The following LIX1 variants were observed in gnomAD, a reference collection of about 807,000 sequenced individuals.
LIX1 encodes the protein protein limb expression 1 homolog.
A neutral mutation model predicts 33.4 loss-of-function variants in LIX1; 24 were observed. That is an observed-to-expected ratio of 0.72 (90% confidence interval 0.52 to 1.01). The LOEUF (loss-of-function observed/expected upper bound fraction) is 1.01. LIX1 is among the 50% of genes least tolerant of loss of function. The pLI, the probability that LIX1 is intolerant of heterozygous loss-of-function variation, is 0.00. For synonymous variants in LIX1, 124 were observed against 124.0 expected (o/e 1.00, Z 0.00); for missense variants, 311 against 339.2 (o/e 0.92, Z 0.65).
chr5:97,141,261 G>C (rs921887967), intron 1 of LIX1, among the ~76,000 whole-genome samples: 1 of 152,080 alleles, frequency 6.6e-6, no homozygotes, highest in Non-Finnish European at 1.5e-5. Flanking sequence ...GTAGGAGAGA[G>C]ACATTCTTTC....
chr5:97,102,171 T>G (rs1321989288), intron 4 of LIX1: 1 of 152,214 alleles, frequency 6.6e-6, no homozygotes, highest in Non-Finnish European at 1.5e-5. Context: ...GAGTGCTGGC[T>G]GCAGGACGCC....
intron 1 of LIX1, among the ~76,000 whole-genome samples, chr5:97,128,917 T>C (rs1432027201): frequency 3.3e-5 from 5 of 152,110 alleles, no homozygotes; most frequent in African/African-American, 1.2e-4. Flanking sequence ...CAACCTATAC[T>C]CCCACTGTTT....
intron 3 of LIX1, among the ~76,000 whole-genome samples, chr5:97,106,625 G>C (rs184571256): frequency 1.4e-3 from 210 of 152,258 alleles, no homozygotes; most frequent in African/African-American, 4.9e-3. Flanking sequence ...GGGACTGAAG[G>C]CTTCTTTCTT....
chr5:97,103,008 A>G, intron 4 of LIX1: 1 of 441,950 alleles, frequency 2.3e-6, no homozygotes, highest in Non-Finnish European at 4.5e-6. Context: ...AATGGGCATT[A>G]TTATTCCTAT....
chr5:97,116,723 TAG>T (rs1747646529), intron 2 of LIX1, among the ~76,000 whole-genome samples: 1 of 152,086 alleles, frequency 6.6e-6, no homozygotes, highest in Non-Finnish European at 1.5e-5. Flanking sequence ...AGTTAAGGTG[TAG>T]ACAAGACGAA....
chr5:97,135,551 G>A (rs1347186507), intron 1 of LIX1, among the ~76,000 whole-genome samples: 1 of 152,150 alleles, frequency 6.6e-6, no homozygotes, highest in Non-Finnish European at 1.5e-5. Context: ...AGGCGCAGTG[G>A]CTCACGTCTG....
chr5:97,116,497 C>G (rs1044723934), intron 2 of LIX1, among the ~76,000 whole-genome samples: 1 of 152,004 alleles, frequency 6.6e-6, no homozygotes, highest in Non-Finnish European at 1.5e-5. Context: ...TTCCTGTCAA[C>G]TGAAAGAAAT....
At chr5:97,110,806 T>A (rs1747347523) in intron 2 of LIX1, among the ~76,000 whole-genome samples, 1 of 152,064 alleles carries the variant, frequency 6.6e-6, no homozygotes, top group Admixed American at 6.5e-5. Context: ...AAAATGAGTG[T>A]GGAAAGTAGT....
chr5:97,134,176 A>G (rs1748123289), intron 1 of LIX1, among the ~76,000 whole-genome samples: 1 of 152,212 alleles, frequency 6.6e-6, no homozygotes, highest in Non-Finnish European at 1.5e-5. Context: ...CTGGTGTGTA[A>G]TGGAGCTTTC....
rs184021046 is a variant in LIX1 at position 97,095,320 on chromosome 5, C to T, written c.562-285G>A. ...CTCTGCCATCTCTAGAAATACAAGC[C>T]GTTCACTGAAAATACATTCCTACAA... On this transcript the variant is annotated intron_variant, in intron 5 of 5. Transcript: ENST00000274382. 1.4e-3 allele frequency among the ~76,000 whole-genome samples: 220 copies of T among 152,298 alleles called. 2 individuals carry two copies. Among genetic ancestry groups the T allele is most frequent in the Middle Eastern group, 0.014 (4 of 294 alleles).
intron 5 of LIX1, among the ~76,000 whole-genome samples, chr5:97,095,710 C>G (rs891268267): frequency 3.3e-5 from 5 of 152,180 alleles, no homozygotes; most frequent in African/African-American, 4.8e-5. Flanking sequence ...TACTGCCTGT[C>G]AATTCTTGTG....
Position 97,094,619 on chromosome 5 carries a change from G to T in LIX1, c.*129C>A. 1.3e-6 allele frequency: 1 copy of T among 779,776 alleles called. No homozygotes were observed. The highest frequency in any genetic ancestry group is 2.0e-6 in the Non-Finnish European group (1 of 489,074). The allele number at this position is 779,776 out of a possible 1,614,324, so 48.3% of individuals were successfully genotyped here. A position where few individuals can be genotyped will look rare whatever the true frequency, so the allele number is the denominator to read the frequency against. ...GACTCTCATACTCTGTAAATGGAAT[G>T]TGTGGAGAGGGTTAGGAGAGCCTTC... On this transcript the variant is annotated 3_prime_UTR_variant, in exon 6 of 6. Coordinates refer to ENST00000274382, the MANE Select transcript of LIX1 (RefSeq NM_153234.5).
At position 97,093,272 on chromosome 5, in the gene LIX1, T is replaced by C. The variant is rs1746166939; in HGVS notation, c.*1476A>G. On this transcript the variant is annotated 3_prime_UTR_variant, in exon 6 of 6. Coordinates refer to ENST00000274382, the MANE Select transcript of LIX1 (RefSeq NM_153234.5). ...ATATCATATTTTATAAACTTTAATG[T>C]AATTATAATGGTTTTGCTTTCAGTG... The C allele has an allele frequency of 6.6e-6, 1 of 152,282 alleles. No individual in the cohort carries two copies. Among genetic ancestry groups the C allele is most frequent in the Admixed American group, 6.5e-5 (1 of 15,280 alleles). 9.4% of individuals were successfully genotyped at this position (152,282 alleles called of 1,614,324 possible). A position where few individuals can be genotyped will look rare whatever the true frequency, so the allele number is the denominator to read the frequency against.
In LIX1 at chr5:97,107,337, T is replaced by C. The variant is rs1444711284; in HGVS notation, c.387+23A>G. ...CAGAATTCTCAGTGCAGCCATCTCC[T>C]GCCCTCCATGGTGGGTACTCACGCT... is the stretch of plus-strand genomic sequence containing the variant. On this transcript the variant is annotated intron_variant, in intron 3 of 5. Coordinates refer to ENST00000274382, the MANE Select transcript of LIX1 (RefSeq NM_153234.5). 6.2e-6 allele frequency: 10 copies of C among 1,607,958 alleles called. No homozygotes were observed. The African/African-American group carries it at 9.4e-5, about 15-fold the overall frequency.
chr5:97,128,428 T>C (rs1482756299), intron 1 of LIX1, among the ~76,000 whole-genome samples: 3 of 152,170 alleles, frequency 2.0e-5, no homozygotes, highest in Non-Finnish European at 4.4e-5. Flanking sequence ...TCATGTTGGC[T>C]AGCATGGAAA....
In LIX1 at chr5:97,142,512, G is replaced by T; in HGVS notation, c.65C>A (p.Ala22Asp). 1 of 1,613,814 alleles carries T rather than the reference G, an allele frequency of 6.2e-7. No individual in the cohort carries two copies. The highest frequency in any genetic ancestry group is 8.5e-7 in the Non-Finnish European group (1 of 1,179,704). ...GTACTTACAGTCTTTGAAGACTAGA[G>T]CCGGATCTCTGTGAGGCAAGACTTG... ...IAQVLPHRDPALVFKDLNVVS... is the reference protein window; with the variant it reads ...IAQVLPHRDPDLVFKDLNVVS... Residue 22 changes from alanine (A) to aspartate (D), a missense_variant, in exon 1 of 6, where the codon GCT becomes GAT. Ala to Asp is a moderately radical substitution (Grantham distance 126). Transcript: ENST00000274382.
intron 5 of LIX1, among the ~76,000 whole-genome samples, chr5:97,096,587 T>C (rs752113497): frequency 1.5e-4 from 23 of 152,328 alleles, no homozygotes; most frequent in Non-Finnish European, 2.9e-4. Context: ...GGTACAGGTA[T>C]CTAAATCAGT....
intron 1 of LIX1, among the ~76,000 whole-genome samples, chr5:97,136,755 C>T (rs530373990): frequency 7.2e-5 from 11 of 151,842 alleles, no homozygotes; most frequent in East Asian, 1.9e-4. Flanking sequence ...AAAAAAAAAC[C>T]GAAACCATAA....
At chr5:97,114,060 G>A (rs1747554393) in intron 2 of LIX1, among the ~76,000 whole-genome samples, 1 of 152,218 alleles carries the variant, frequency 6.6e-6, no homozygotes, top group Non-Finnish European at 1.5e-5. Flanking sequence ...GAGATCAGAT[G>A]TTACCTTGTA....
Sources: gnomAD v4.1 joint callset for allele counts (sites outside exome capture counted in the v4.1 genomes callset) on GRCh38, gnomAD v4.1.1 for gene constraint, MANE v1.5 for transcripts, NCBI Gene and HGNC (gene_info 2026-07-23, HGNC 2026-07-21) for gene names.